Variants in MYO3B observed in about 807,000 individuals in gnomAD.
The protein encoded by MYO3B is myosin-IIIb.
Under a neutral mutation model 174.6 loss-of-function variants are expected in MYO3B, and 156 were observed. The observed-to-expected ratio is 0.89, with a 90% CI of 0.78 to 1.02. The LOEUF is 1.02. MYO3B is among the 50% of genes least tolerant of loss of function. The pLI is 0.00. For missense variants in MYO3B, 1,632 were observed against 1,639.4 expected, an observed-to-expected ratio of 1.00 and a Z score of 0.08; for synonymous variants, 563 against 569.1, an observed-to-expected ratio of 0.99 and a Z score of 0.15.
At chr2:170,601,527 ATTTT>A in intron 32 of MYO3B, 1 of 891,652 alleles carries the variant, frequency 1.1e-6, no homozygotes, top group Non-Finnish European at 1.7e-6. Flanking sequence ...TTACATTTTA[ATTTT>A]TTTATTTAAA....
chr2:170,580,593 G>C (rs562510005), intron 32 of MYO3B, among the ~76,000 whole-genome samples: 1 of 152,056 alleles, frequency 6.6e-6, no homozygotes, highest in Admixed American at 6.6e-5. Context: ...AGCTGAGATC[G>C]CACCACTGCA....
chr2:170,273,642 A>G (rs1485554341), intron 7 of MYO3B, among the ~76,000 whole-genome samples: 1 of 151,902 alleles, frequency 6.6e-6, no homozygotes, highest in Non-Finnish European at 1.5e-5. Flanking sequence ...CATCTTCCAT[A>G]TTCCCCTTGG....
At chr2:170,576,780 TA>T (rs2106291319) in intron 32 of MYO3B, among the ~76,000 whole-genome samples, 1 of 152,332 alleles carries the variant, frequency 6.6e-6, no homozygotes, top group South Asian at 2.1e-4. Context: ...TATGATCTCT[TA>T]GCAGGGACCT....
intron 32 of MYO3B, among the ~76,000 whole-genome samples, chr2:170,585,524 C>T (rs1693448004): frequency 6.6e-6 from 1 of 152,264 alleles, no homozygotes. Context: ...CAATTTTTTA[C>T]ACCTTTTTGT....
At chr2:170,333,916 T>C (rs11674363) in intron 7 of MYO3B, 85,092 of 152,072 alleles carry the variant, frequency 0.56, 24,412 homozygotes, top group East Asian at 0.66. Flanking sequence ...CTCAGCTGCA[T>C]GTACCAGTGG....
intron 20 of MYO3B, 106 bp from the exon 21 acceptor site, chr2:170,405,439 A>T: frequency 2.1e-6 from 2 of 944,066 alleles, no homozygotes; most frequent in Non-Finnish European, 3.3e-6. Context: ...TCAAGGCCTT[A>T]TTCTGAAAGC....
chr2:170,189,619 C>G (rs778766768), intron 1 of MYO3B, among the ~76,000 whole-genome samples: 2 of 152,054 alleles, frequency 1.3e-5, no homozygotes, highest in African/African-American at 4.8e-5. Flanking sequence ...TGTTGAGACT[C>G]TGATGCATTC....
intron 30 of MYO3B, among the ~76,000 whole-genome samples, chr2:170,523,678 C>T (rs957340867): frequency 1.3e-5 from 2 of 152,196 alleles, no homozygotes; most frequent in African/African-American, 4.8e-5. Flanking sequence ...CTGTTCTCAG[C>T]ATGTCAGTCA....
chr2:170,336,288 G>A (rs766949943), intron 8 of MYO3B, among the ~76,000 whole-genome samples: 13 of 151,778 alleles, frequency 8.6e-5, no homozygotes, highest in African/African-American at 2.4e-4. Flanking sequence ...TTCAGAGGTC[G>A]TGGGAGGAGA....
At chr2:170,487,869 C>T (rs1686165250) in intron 25 of MYO3B, among the ~76,000 whole-genome samples, 2 of 152,204 alleles carry the variant, frequency 1.3e-5, no homozygotes, top group South Asian at 4.1e-4. Context: ...GGCCATCTCC[C>T]ACGCTAATAC....
intron 32 of MYO3B, among the ~76,000 whole-genome samples, chr2:170,616,697 C>T (rs1487486571): frequency 6.6e-6 from 1 of 152,118 alleles, no homozygotes; most frequent in East Asian, 1.9e-4. Context: ...ACAAAATTAA[C>T]GATAGTGGAT....
intron 32 of MYO3B, among the ~76,000 whole-genome samples, chr2:170,630,370 C>T (rs1696847829): frequency 6.6e-6 from 1 of 152,168 alleles, no homozygotes; most frequent in Non-Finnish European, 1.5e-5. Flanking sequence ...ATTGCTGAGG[C>T]TTGAGTAGGT....
At position 170,654,045 on chromosome 2, in the gene MYO3B, C is replaced by CTAAG. The variant is rs1699157338; in HGVS notation, c.*926_*929dup. 1 of 151,950 alleles carries CTAAG rather than the reference C, an allele frequency of 6.6e-6. No homozygotes were observed. Among genetic ancestry groups the CTAAG allele is most frequent in the African/African-American group, 2.4e-5 (1 of 41,242 alleles). The allele number at this position is 151,950 out of a possible 1,614,324, so 9.4% of individuals were successfully genotyped here. The stretch of plus-strand genomic sequence containing the variant: ...ATGGAGAATACATGGAGAAACTTAA[C>CTAAG]TAAGTTACACAAGCATATCTGACAG... On this transcript the variant is annotated 3_prime_UTR_variant, in exon 35 of 35. Transcript: ENST00000408978.
intron 32 of MYO3B, among the ~76,000 whole-genome samples, chr2:170,593,102 AAG>A (rs550847703): frequency 2.6e-5 from 4 of 151,510 alleles, no homozygotes; most frequent in East Asian, 1.9e-4. Context: ...GATTTCTAGA[AAG>A]AGAGAGAGAG....
At chr2:170,301,423 G>A (rs181052238) in intron 7 of MYO3B, among the ~76,000 whole-genome samples, 1 of 152,184 alleles carries the variant, frequency 6.6e-6, no homozygotes, top group African/African-American at 2.4e-5. Context: ...AGATTGTATC[G>A]ATAATAGTTT....
intron 25 of MYO3B, among the ~76,000 whole-genome samples, chr2:170,474,055 G>T (rs11899137): frequency 0.076 from 11,509 of 152,220 alleles, 1,169 homozygotes; most frequent in African/African-American, 0.23. Flanking sequence ...GAAATCCAAA[G>T]ACATGTCTGG....
intron 20 of MYO3B, 131 bp downstream of exon 20, chr2:170,404,531 C>A: frequency 2.4e-6 from 2 of 833,112 alleles, no homozygotes; most frequent in Non-Finnish European, 1.8e-6. Flanking sequence ...TATAGGCCTT[C>A]TTTTTCATTG....
chr2:170,199,110 G>A (rs1304212679), intron 1 of MYO3B, 98 bp from the exon 2 acceptor site: 6 of 767,438 alleles, frequency 7.8e-6, no homozygotes, highest in Non-Finnish European at 1.2e-5. Context: ...AAAGTAACAT[G>A]AGGTTGCTGG....
intron 9 of MYO3B, among the ~76,000 whole-genome samples, chr2:170,376,596 C>CCT (rs780374881): frequency 7.2e-6 from 1 of 139,710 alleles, no homozygotes; most frequent in African/African-American, 2.9e-5. Flanking sequence ...TTCCTTATTC[C>CCT]CTCTCTCTAT....
Sources: allele counts gnomAD v4.1 joint callset (sites outside exome capture counted in the v4.1 genomes callset), GRCh38; gene constraint gnomAD v4.1.1; transcripts MANE v1.5; gene names NCBI Gene and HGNC (gene_info 2026-07-23, HGNC 2026-07-21).